Variants in SPMAP2L observed in about 807,000 individuals in gnomAD.
The protein encoded by SPMAP2L is sperm microtubule associated protein 2 like.
chr4:56,606,572 C>T, the SPMAP2L span, among the ~76,000 whole-genome samples: 1 of 152,088 alleles, frequency 6.6e-6, no homozygotes, highest in Non-Finnish European at 1.5e-5. Context: ...CCGGCTATTC[C>T]TCTGATGCCG....
the SPMAP2L span, among the ~76,000 whole-genome samples, chr4:56,562,795 T>TTTTTTTG: frequency 6.6e-6 from 1 of 151,232 alleles, no homozygotes; most frequent in African/African-American, 2.4e-5. Flanking sequence ...TCTTTTTTTT[T>TTTTTTTG]ACTATGTGTG....
At chr4:56,592,079 C>T in the SPMAP2L span, among the ~76,000 whole-genome samples, 1 of 152,184 alleles carries the variant, frequency 6.6e-6, no homozygotes, top group Admixed American at 6.5e-5. Context: ...ACCATCACTA[C>T]CTGAGTTCCA....
chr4:56,571,912 C>A, the SPMAP2L span, among the ~76,000 whole-genome samples: 5 of 152,096 alleles, frequency 3.3e-5, no homozygotes, highest in Admixed American at 3.3e-4. Context: ...TCACTATCTT[C>A]CACCTCCACA....
chr4:56,625,726 A>C, the SPMAP2L span, among the ~76,000 whole-genome samples: 7 of 152,174 alleles, frequency 4.6e-5, no homozygotes, highest in Non-Finnish European at 1.0e-4. Context: ...AGCCATGTGG[A>C]AATGTAAGTC....
At chr4:56,557,310 C>T in the SPMAP2L span, among the ~76,000 whole-genome samples, 1 of 149,058 alleles carries the variant, frequency 6.7e-6, no homozygotes, top group Non-Finnish European at 1.5e-5. Flanking sequence ...AAAAAACAAA[C>T]AGAGAGAGCT....
the SPMAP2L span, among the ~76,000 whole-genome samples, chr4:56,542,395 G>C: frequency 1.3e-5 from 2 of 151,734 alleles, no homozygotes; most frequent in South Asian, 4.2e-4. Flanking sequence ...GACCTCTCCT[G>C]CATGATGGGT....
the SPMAP2L span, among the ~76,000 whole-genome samples, chr4:56,538,150 C>A: frequency 6.6e-6 from 1 of 152,150 alleles, no homozygotes; most frequent in South Asian, 2.1e-4. Flanking sequence ...ATTGCTCTTA[C>A]AATAAATCCA....
At chr4:56,573,650 T>C in the SPMAP2L span, among the ~76,000 whole-genome samples, 1 of 152,152 alleles carries the variant, frequency 6.6e-6, no homozygotes, top group Non-Finnish European at 1.5e-5. Flanking sequence ...GAACTGCCAT[T>C]TCCTTCAAAA....
the SPMAP2L span, among the ~76,000 whole-genome samples, chr4:56,602,466 A>G: frequency 0.023 from 3,552 of 152,242 alleles, 132 homozygotes; most frequent in African/African-American, 0.079. Context: ...GCCAAAGCAG[A>G]CAGATCACTT....
the SPMAP2L span, among the ~76,000 whole-genome samples, chr4:56,565,411 C>T: frequency 1.3e-5 from 2 of 152,070 alleles, no homozygotes; most frequent in African/African-American, 4.8e-5. Context: ...ATCTGAAATC[C>T]AAAATGCTCC....
chr4:56,547,207 C>A, the SPMAP2L span, among the ~76,000 whole-genome samples: 1 of 151,474 alleles, frequency 6.6e-6, no homozygotes, highest in African/African-American at 2.4e-5. Flanking sequence ...AAGTGATGTA[C>A]ATGTATACAC....
At chr4:56,592,068 G>T in the SPMAP2L span, among the ~76,000 whole-genome samples, 16 of 152,318 alleles carry the variant, frequency 1.1e-4, no homozygotes, top group East Asian at 2.9e-3. Context: ...GAGGGTGAGT[G>T]ACCATCACTA....
chr4:56,595,065 C>T, the SPMAP2L span: 3 of 1,610,488 alleles, frequency 1.9e-6, no homozygotes, highest in South Asian at 3.3e-5. Context: ...TCAGTGCGGC[C>T]CCATGGGGCT....
chr4:56,537,233 C>T, the SPMAP2L span, among the ~76,000 whole-genome samples: 21 of 152,250 alleles, frequency 1.4e-4, no homozygotes, highest in South Asian at 1.0e-3. Flanking sequence ...TGAATTCTTG[C>T]GGGCTCTGTC....
the SPMAP2L span, among the ~76,000 whole-genome samples, chr4:56,582,530 G>A: frequency 6.6e-6 from 1 of 151,944 alleles, no homozygotes; most frequent in Non-Finnish European, 1.5e-5. Context: ...AGAATGGCAA[G>A]GATAATGATA....
At chr4:56,594,169 G>C in the SPMAP2L span, 3 of 1,612,760 alleles carry the variant, frequency 1.9e-6, no homozygotes, top group Non-Finnish European at 2.5e-6. Context: ...TGGGAGAGGA[G>C]TGCAGAGGTA....
the SPMAP2L span, among the ~76,000 whole-genome samples, chr4:56,602,046 T>C: frequency 6.6e-6 from 1 of 152,216 alleles, no homozygotes; most frequent in Non-Finnish European, 1.5e-5. Flanking sequence ...AAATAGGCTT[T>C]TGTATTTTTC....
chr4:56,581,596 G>C, the SPMAP2L span, among the ~76,000 whole-genome samples: 1 of 151,856 alleles, frequency 6.6e-6, no homozygotes, highest in African/African-American at 2.4e-5. Flanking sequence ...CTCCAGCCTG[G>C]GTGACAGAAC....
the SPMAP2L span, among the ~76,000 whole-genome samples, chr4:56,564,461 T>C: frequency 6.6e-6 from 1 of 152,202 alleles, no homozygotes; most frequent in Non-Finnish European, 1.5e-5. Context: ...TTCATCTGTT[T>C]TGAAATTTAC....
Sources: gnomAD v4.1 joint callset for allele counts (sites outside exome capture counted in the v4.1 genomes callset) on GRCh38, gnomAD v4.1.1 for gene constraint, MANE v1.5 for transcripts, NCBI Gene and HGNC (gene_info 2026-07-23, HGNC 2026-07-21) for gene names.